The following CRB2 variants were observed in gnomAD, a reference collection of about 807,000 sequenced individuals.
The protein encoded by CRB2 is crumbs cell polarity complex component 2.
CRB2 carries 85 observed loss-of-function variants against 110.9 expected under a neutral mutation model. The ratio of observed to expected loss-of-function variants is 0.77; its 90% CI spans 0.64 to 0.92. CRB2 has a LOEUF of 0.92. Ranked by LOEUF, CRB2 falls within the 40% of genes least tolerant of loss-of-function variation. The pLI, the probability that CRB2 is intolerant of heterozygous loss-of-function variation, is 0.00. For synonymous variants in CRB2, 907 were observed against 831.0 expected, an observed-to-expected ratio of 1.09 and a Z score of -1.57; for missense variants, 1,843 against 1,851.3, an observed-to-expected ratio of 1.00 and a Z score of 0.08.
intron 2 of CRB2, among the ~76,000 whole-genome samples, chr9:123,363,474 AC>A (rs1255558609): frequency 6.6e-6 from 1 of 152,078 alleles, no homozygotes; most frequent in Admixed American, 6.6e-5. Flanking sequence ...GGGGTGGAAT[AC>A]CCCTCATTCA....
chr9:123,374,168 A>C, intron 10 of CRB2: 1 of 652,950 alleles, frequency 1.5e-6, no homozygotes, highest in Non-Finnish European at 2.7e-6. Flanking sequence ...TGCCGCTTAC[A>C]CGGAGGTTCA....
At chr9:123,375,086 G>A in intron 11 of CRB2, 131 bp from the exon 12 acceptor site, 1 of 1,371,110 alleles carries the variant, frequency 7.3e-7, no homozygotes. Context: ...CAGCTGGGCA[G>A]GAGCAGCGCA....
chr9:123,377,002 T>G lies in CRB2; in HGVS notation c.3798T>G (p.Ala1266=). The change falls in exon 13 of 13, where the codon GCT becomes GCG. Residue 1266 remains alanine, a synonymous_variant. Transcript: ENST00000373631. ...ACAGCCCAAGCCAGCAGGAGGTGGCTGGGGCCCGGCTGGAGATGGACAGTG... is the reference window on the plus strand; with the variant it reads ...ACAGCCCAAGCCAGCAGGAGGTGGCGGGGGCCCGGCTGGAGATGGACAGTG... ...GTYSPSQQEV[A]GARLEMDSVL... is the part of the protein sequence containing the mutation. 1 of 1,609,244 alleles carries G rather than the reference T, an allele frequency of 6.2e-7. No homozygotes were observed. The highest frequency in any genetic ancestry group is 1.7e-5 in the Admixed American group (1 of 59,564).
Position 123,370,686 on chromosome 9 carries a change from T to C in CRB2, c.1633T>C (p.Cys545Arg). 1 of 1,605,824 alleles carries C rather than the reference T, an allele frequency of 6.2e-7. No individual in the cohort carries two copies. Among genetic ancestry groups the C allele is most frequent in the Non-Finnish European group, 8.5e-7 (1 of 1,179,930 alleles). The change falls in exon 7 of 13, where the codon TGT becomes CGT. Residue 545 changes from cysteine to arginine, a missense_variant. Physicochemically the swap from Cys to Arg is radical, Grantham distance 180. Coordinates refer to ENST00000373631, the MANE Select transcript of CRB2 (RefSeq NM_173689.7). ...GCATGAGGGCTGCCCTGCCCGGCTCTGTGTGGCCTCTGGTCCTGTGGCCCT... is the reference window on the plus strand; with the variant it reads ...GCATGAGGGCTGCCCTGCCCGGCTCCGTGTGGCCTCTGGTCCTGTGGCCCT... ...LWHEGCPARL[C>R]VASGPVALAS...
intron 12 of CRB2, among the ~76,000 whole-genome samples, chr9:123,376,382 C>T (rs2042103133): frequency 6.6e-6 from 1 of 152,172 alleles, no homozygotes; most frequent in African/African-American, 2.4e-5. Flanking sequence ...GAAGCCTGGG[C>T]CGAGGCTCGC....
chr9:123,358,047 G>A (rs1351264139), intron 1 of CRB2, among the ~76,000 whole-genome samples: 1 of 152,230 alleles, frequency 6.6e-6, no homozygotes, highest in Non-Finnish European at 1.5e-5. Context: ...TGCTGGGAGC[G>A]CCATCCCTGG....
downstream of CRB2, among the ~76,000 whole-genome samples, chr9:123,379,127 TGTC>T (rs2042159989): frequency 6.6e-6 from 1 of 151,056 alleles, no homozygotes; most frequent in Admixed American, 6.6e-5. Flanking sequence ...GTTTTCAGCC[TGTC>T]AGTCAGTCAG....
chr9:123,368,798 A>G (rs1215462658), intron 6 of CRB2: 1 of 1,195,312 alleles, frequency 8.4e-7, no homozygotes, highest in Non-Finnish European at 1.1e-6. Flanking sequence ...CAGGCTCCGA[A>G]GGAGGCAGCT....
Position 123,370,847 on chromosome 9 carries a change from C to T in CRB2, c.1794C>T (p.Asn598=), listed in dbSNP as rs904447789. 1.1e-5 allele frequency: 17 copies of T among 1,607,920 alleles called. No homozygotes were observed. Among genetic ancestry groups the T allele is most frequent in the Admixed American group, 1.7e-5 (1 of 59,996 alleles). Residue 598 remains asparagine, a synonymous_variant, in exon 7 of 13, where the codon AAC becomes AAT. Coordinates refer to ENST00000373631, the MANE Select transcript of CRB2 (RefSeq NM_173689.7). ...TGCTGCCTGAGGATCTCGGTGAGAACGTCCTCCTGGGCTGTGAGCGCCGAG... is the reference window on the plus strand; with the variant it reads ...TGCTGCCTGAGGATCTCGGTGAGAATGTCCTCCTGGGCTGTGAGCGCCGAG... ...HLLLPEDLGE[N]VLLGCERREQ... is the part of the protein sequence containing the mutation.
In CRB2 at chr9:123,375,088, A is replaced by G; in HGVS notation, c.3507-129A>G. 14 of 1,382,986 alleles carry G rather than the reference A, an allele frequency of 1.0e-5. No homozygotes were observed. In the South Asian group the frequency reaches 1.9e-4, roughly 18 times the overall value. 85.7% of individuals were successfully genotyped at this position (1,382,986 alleles called of 1,614,324 possible). On this transcript the variant is annotated intron_variant, in intron 11 of 12. Coordinates refer to ENST00000373631, the MANE Select transcript of CRB2 (RefSeq NM_173689.7). The stretch of plus-strand genomic sequence containing the variant: ...ACCTGGCAGGGCCCAGCTGGGCAGG[A>G]GCAGCGCATGGGGACAGTGGATGGA...
chr9:123,373,786 G>A lies in CRB2; in HGVS notation c.3255G>A (p.Gly1085=). The A allele has an allele frequency of 6.3e-7, 1 of 1,591,002 alleles. No individual in the cohort carries two copies. Among genetic ancestry groups the A allele is most frequent in the Admixed American group, 1.7e-5 (1 of 59,498 alleles). Residue 1085 remains glycine, a synonymous_variant, in exon 10 of 13, where the codon GGG becomes GGA. Transcript: ENST00000373631. ...CCTTTGCCTGCGCCTGCGGCCCGGG[G>A]TGGGAAGGCCCGCGCTGCGAAGCCC... ...FDAFACACGP[G]WEGPRCEAHV... is the part of the protein sequence containing the mutation.
intron 1 of CRB2, among the ~76,000 whole-genome samples, chr9:123,361,141 G>C (rs1294808463): frequency 2.9e-5 from 4 of 136,258 alleles, no homozygotes; most frequent in Admixed American, 2.1e-4. Context: ...GCGGGGAGGG[G>C]GGGGGGTTCC....
chr9:123,368,257 C>T (rs1343314224), intron 6 of CRB2, among the ~76,000 whole-genome samples: 1 of 152,162 alleles, frequency 6.6e-6, no homozygotes, highest in East Asian at 1.9e-4. Flanking sequence ...TGGCAGGCTC[C>T]TGGGCACAGG....
rs1441063409 is a variant in CRB2 at position 123,370,100 on chromosome 9, T to A, written c.1055-8T>A. On this transcript the variant is annotated splice_polypyrimidine_tract_variant and splice_region_variant and intron_variant, in intron 6 of 12. Coordinates refer to ENST00000373631, the MANE Select transcript of CRB2 (RefSeq NM_173689.7). Reference sequence around the variant, plus strand: ...CATTACTGAACCTTGGCTTTGTCTCTCCCAAAGGGCCGACATGTGAGGAAG... The same window carrying A: ...CATTACTGAACCTTGGCTTTGTCTCACCCAAAGGGCCGACATGTGAGGAAG... The A allele has an allele frequency of 1.3e-6, 2 of 1,572,296 alleles. No homozygotes were observed. Among genetic ancestry groups the A allele is most frequent in the Admixed American group, 3.5e-5 (2 of 57,930 alleles).
At chr9:123,369,999 T>C in intron 6 of CRB2, 109 bp from the exon 7 acceptor site, 1 of 1,316,254 alleles carries the variant, frequency 7.6e-7, no homozygotes, top group Non-Finnish European at 1.0e-6. Context: ...GGGAATTGGT[T>C]TGGCTGATAG....
downstream of CRB2, among the ~76,000 whole-genome samples, chr9:123,379,415 C>T (rs759824308): frequency 3.9e-5 from 6 of 152,240 alleles, no homozygotes; most frequent in Non-Finnish European, 7.3e-5. Flanking sequence ...GCCCCATGGC[C>T]CCCGCAGGGC....
rs746606443 is a variant in CRB2, at chr9:123,375,334, T to C, written c.3624T>C (p.Cys1208=). 2 of 1,594,092 alleles carry C rather than the reference T, an allele frequency of 1.3e-6. No individual in the cohort carries two copies. Among genetic ancestry groups the C allele is most frequent in the East Asian group, 4.5e-5 (2 of 44,510 alleles). The part of the protein sequence containing the change: ...ICNARFSGQF[C]EVAKGLPLPL... ...ATGCCAGATTCTCCGGCCAGTTCTG[T>C]GAAGTGGCGGTGAGTGTTGTCAGGG... Residue 1208 remains cysteine, a synonymous_variant, in exon 12 of 13, where the codon TGT becomes TGC. Coordinates refer to ENST00000373631, the MANE Select transcript of CRB2 (RefSeq NM_173689.7).
At chr9:123,379,324 G>T (rs1360819610), downstream of CRB2, among the ~76,000 whole-genome samples, 1 of 152,216 alleles carries the variant, frequency 6.6e-6, no homozygotes, top group Admixed American at 6.5e-5. Flanking sequence ...TGAGAGACCT[G>T]TGGGGGCGAC....
In CRB2 at chr9:123,377,368, G is replaced by T. The variant is rs1380604525; in HGVS notation, c.*306G>T. ...TTCAGGAGTGTGTGTATCTGGAGGA[G>T]TGTGTGTGTGAGTGTGTACCTGGGC... On this transcript the variant is annotated 3_prime_UTR_variant, in exon 13 of 13. Coordinates refer to ENST00000373631, the MANE Select transcript of CRB2 (RefSeq NM_173689.7). 9.2e-6 allele frequency: 3 copies of T among 327,868 alleles called. No individual in the cohort carries two copies. The highest frequency in any genetic ancestry group is 1.7e-5 in the Non-Finnish European group (3 of 179,082). 20.3% of individuals were successfully genotyped at this position (327,868 alleles called of 1,614,324 possible). A position where few individuals can be genotyped will look rare whatever the true frequency, so the allele number is the denominator to read the frequency against.
Sources: gnomAD v4.1 joint callset for allele counts (sites outside exome capture counted in the v4.1 genomes callset) on GRCh38, gnomAD v4.1.1 for gene constraint, MANE v1.5 for transcripts, NCBI Gene and HGNC (gene_info 2026-07-23, HGNC 2026-07-21) for gene names.